The following WWOX variants were observed in gnomAD, a reference collection of about 807,000 sequenced individuals.
The protein encoded by WWOX is WW domain-containing oxidoreductase.
A neutral mutation model predicts 46.2 loss-of-function variants in WWOX; 69 were observed. The ratio of observed to expected loss-of-function variants is 1.49; its 90% CI spans 1.23 to 1.82. The LOEUF (loss-of-function observed/expected upper bound fraction) is 1.82, where lower values mean the gene tolerates loss of function less well. Among genes scored for constraint, WWOX ranks in the 40% most tolerant of loss-of-function variants. The pLI, the probability that WWOX is intolerant of heterozygous loss-of-function variation, is 0.00. For missense variants in WWOX, 919 were observed against 542.6 expected (o/e 1.69, Z -6.89); for synonymous variants, 359 against 202.6 (o/e 1.77, Z -6.56).
chr16:79,011,816 C>CA (rs930691512), intron 8 of WWOX, among the ~76,000 whole-genome samples: 10 of 151,820 alleles, frequency 6.6e-5, no homozygotes, highest in African/African-American at 2.2e-4. Flanking sequence ...AACAAAAAAA[C>CA]AAAAAACTCT....
chr16:79,208,631 A>ATCT (rs143257890), intron 8 of WWOX, among the ~76,000 whole-genome samples: 2,494 of 151,188 alleles, frequency 0.016, 64 homozygotes, highest in African/African-American at 0.057. Context: ...TGCTCTTTAA[A>ATCT]TTTTTTTTTT....
intron 8 of WWOX, among the ~76,000 whole-genome samples, chr16:78,980,626 C>T (rs998820610): frequency 1.3e-5 from 2 of 152,272 alleles, no homozygotes; most frequent in Admixed American, 1.3e-4. Flanking sequence ...AATGATAATA[C>T]CATGACTGAT....
At chr16:78,373,337 C>T (rs183873520) in intron 5 of WWOX, among the ~76,000 whole-genome samples, 3 of 152,300 alleles carry the variant, frequency 2.0e-5, no homozygotes, top group Non-Finnish European at 4.4e-5. Context: ...TATCCAAGCT[C>T]ATTTCATTTA....
At chr16:78,567,552 C>CAAAAAA (rs71272440) in intron 8 of WWOX, among the ~76,000 whole-genome samples, 45 of 52,084 alleles carry the variant, frequency 8.6e-4, no homozygotes, top group Admixed American at 2.7e-3. Context: ...GACTCCGTCT[C>CAAAAAA]AAAAAAAAAA....
intron 8 of WWOX, among the ~76,000 whole-genome samples, chr16:79,160,031 G>A (rs971983783): frequency 8.5e-5 from 13 of 152,200 alleles, no homozygotes; most frequent in African/African-American, 3.1e-4. Flanking sequence ...CAAAATTCCT[G>A]ACAAATGTCT....
intron 5 of WWOX, among the ~76,000 whole-genome samples, chr16:78,196,967 C>T (rs1225479663): frequency 6.6e-6 from 1 of 152,112 alleles, no homozygotes; most frequent in African/African-American, 2.4e-5. Context: ...GAATTCCTTC[C>T]CACACAGAAG....
intron 8 of WWOX, among the ~76,000 whole-genome samples, chr16:78,782,425 G>A (rs529533228): frequency 6.6e-6 from 1 of 152,106 alleles, no homozygotes; most frequent in Non-Finnish European, 1.5e-5. Context: ...CTCTTATGCT[G>A]GGGCAACGCT....
Position 78,410,214 on chromosome 16 carries a change from C to A in WWOX, c.606-14656C>A, listed in dbSNP as rs1051431962. ...GGCCTCACCGGAAGCCAAGCACATGCTTCTTGTAGAGTCTGCAGAATCGGA... is the reference window on the plus strand; with the variant it reads ...GGCCTCACCGGAAGCCAAGCACATGATTCTTGTAGAGTCTGCAGAATCGGA... On this transcript the variant is annotated intron_variant, in intron 6 of 8. Transcript: ENST00000566780. Among the ~76,000 whole-genome samples the A allele has an allele frequency of 5.9e-5, 9 of 152,334 alleles. No individual in the cohort carries two copies. In the East Asian group the frequency reaches 1.7e-3, roughly 29 times the overall value.
chr16:79,165,221 A>T (rs750686243), intron 8 of WWOX, among the ~76,000 whole-genome samples: 6 of 151,810 alleles, frequency 4.0e-5, no homozygotes, highest in Non-Finnish European at 8.8e-5. Flanking sequence ...AATGCTAGTG[A>T]CCTCATATAC....
Position 78,528,854 on chromosome 16 carries a change from A to G in WWOX, c.1056+96102A>G, listed in dbSNP as rs945538085. Among the ~76,000 whole-genome samples the G allele has an allele frequency of 5.9e-5, 9 of 152,092 alleles. No individual in the cohort carries two copies. In the East Asian group the frequency reaches 1.4e-3, roughly 23 times the overall value. ...AGGCAACCTCTATGTAACCTCAGCC[A>G]TCTTGGATTCCCAGCTTACTCACAT... On this transcript the variant is annotated intron_variant, in intron 8 of 8. Coordinates refer to ENST00000566780, the MANE Select transcript of WWOX (RefSeq NM_016373.4).
intron 8 of WWOX, among the ~76,000 whole-genome samples, chr16:78,993,438 G>A (rs1451585035): frequency 6.6e-6 from 1 of 152,190 alleles, no homozygotes; most frequent in East Asian, 1.9e-4. Context: ...ACATGACAGT[G>A]CGGCTGGATA....
chr16:78,495,867 G>A (rs1481171355), intron 8 of WWOX: 1 of 152,076 alleles, frequency 6.6e-6, no homozygotes, highest in Non-Finnish European at 1.5e-5. Context: ...TTTTCAGTGA[G>A]TGTGGATTAC....
At chr16:78,920,790 A>T (rs1276034348) in intron 8 of WWOX, among the ~76,000 whole-genome samples, 1 of 152,210 alleles carries the variant, frequency 6.6e-6, no homozygotes, top group Non-Finnish European at 1.5e-5. Flanking sequence ...TACGCTGAGC[A>T]TGAAAATAAA....
intron 8 of WWOX, among the ~76,000 whole-genome samples, chr16:78,976,136 C>T (rs1251002782): frequency 6.6e-6 from 1 of 152,200 alleles, no homozygotes; most frequent in Non-Finnish European, 1.5e-5. Flanking sequence ...CTCGAATATC[C>T]TGCACCGTTC....
At position 79,038,570 on chromosome 16, in the gene WWOX, A is replaced by G. The variant is rs2047911792; in HGVS notation, c.1057-173038A>G. Among the ~76,000 whole-genome samples, 4 of 152,134 alleles carry G rather than the reference A, an allele frequency of 2.6e-5. No individual in the cohort carries two copies. The South Asian group carries it at 8.3e-4, about 32-fold the overall frequency. Reference sequence around the variant, plus strand: ...GAATTAACTTTTTATTTTTTTTGAGACAGAGTTTCTCTCTTGTCACACAGG... The same window carrying G: ...GAATTAACTTTTTATTTTTTTTGAGGCAGAGTTTCTCTCTTGTCACACAGG... On this transcript the variant is annotated intron_variant, in intron 8 of 8. Coordinates refer to ENST00000566780, the MANE Select transcript of WWOX (RefSeq NM_016373.4).
intron 8 of WWOX, among the ~76,000 whole-genome samples, chr16:78,796,427 C>T (rs1162512863): frequency 6.6e-6 from 1 of 152,222 alleles, no homozygotes; most frequent in African/African-American, 2.4e-5. Context: ...CCACCTGCTT[C>T]CCATTGGCCA....
At chr16:79,024,728 C>T (rs2047603669) in intron 8 of WWOX, among the ~76,000 whole-genome samples, 1 of 152,160 alleles carries the variant, frequency 6.6e-6, no homozygotes, top group African/African-American at 2.4e-5. Flanking sequence ...AGCCACCATG[C>T]CTGGCCCTGA....
chr16:78,640,569 C>G (rs1400399121), intron 8 of WWOX, among the ~76,000 whole-genome samples: 5 of 152,104 alleles, frequency 3.3e-5, no homozygotes, highest in Non-Finnish European at 5.9e-5. Context: ...GTACAGCAAA[C>G]CACCATGGCA....
chr16:79,068,396 C>T (rs767250133), intron 8 of WWOX, among the ~76,000 whole-genome samples: 4 of 151,962 alleles, frequency 2.6e-5, no homozygotes, highest in African/African-American at 4.8e-5. Context: ...GACTTAAACC[C>T]GTGTTCCTGA....
Sources: allele counts gnomAD v4.1 joint callset (sites outside exome capture counted in the v4.1 genomes callset), GRCh38; gene constraint gnomAD v4.1.1; transcripts MANE v1.5; gene names NCBI Gene and HGNC (gene_info 2026-07-23, HGNC 2026-07-21).